UBE2R2: variants seen among roughly 807,000 people sequenced by gnomAD.
UBE2R2 encodes the protein ubiquitin conjugating enzyme E2 R2.
Under a neutral mutation model 27.8 loss-of-function variants are expected in UBE2R2, and 1 was observed. The observed-to-expected ratio is 0.04, with a 90% CI of 0.01 to 0.17. UBE2R2 has a LOEUF of 0.17. Among genes scored for constraint, UBE2R2 ranks in the 10% least tolerant of loss-of-function variants. The probability of loss-of-function intolerance (pLI) is 1.00; values close to 1 mark genes in which losing one functional copy is unlikely to be tolerated. For missense variants in UBE2R2, 100 were observed against 291.0 expected (o/e 0.34, Z 4.78); for synonymous variants, 106 against 113.3 (o/e 0.94, Z 0.41).
At position 33,885,140 on chromosome 9, in the gene UBE2R2, TTACTTTCTTGTTGTA is replaced by T. The variant is rs563845884; in HGVS notation, c.178-1737_178-1723del. Among the ~76,000 whole-genome samples the T allele has an allele frequency of 4.6e-5, 7 of 152,336 alleles. No individual in the cohort carries two copies. The East Asian group carries it at 1.3e-3, about 29-fold the overall frequency. ...ATTCAGACAGGCATTTGCAAACTCT[TTACTTTCTTGTTGTA>T]TACATTCTCAAGTTAAGCCAGAGGT... On this transcript the variant is annotated intron_variant, in intron 1 of 4. Coordinates refer to ENST00000263228, the MANE Select transcript of UBE2R2 (RefSeq NM_017811.4).
intron 4 of UBE2R2, among the ~76,000 whole-genome samples, chr9:33,913,595 A>G (rs1436935250): frequency 7.2e-5 from 11 of 152,088 alleles, no homozygotes; most frequent in Non-Finnish European, 1.5e-5. Flanking sequence ...TTTATTTCTT[A>G]AAATAGAGAC....
chr9:33,837,327 TC>T (rs1435459160), intron 1 of UBE2R2, among the ~76,000 whole-genome samples: 2 of 151,988 alleles, frequency 1.3e-5, no homozygotes, highest in Non-Finnish European at 2.9e-5. Flanking sequence ...CAAGCGATAT[TC>T]TTATCTCAGC....
intron 1 of UBE2R2, among the ~76,000 whole-genome samples, chr9:33,853,971 C>T (rs985783424): frequency 6.6e-6 from 1 of 152,080 alleles, no homozygotes; most frequent in Non-Finnish European, 1.5e-5. Flanking sequence ...GCTGGGATTA[C>T]AGGCATGAGC....
chr9:33,873,683 C>T (rs1821537809), intron 1 of UBE2R2, among the ~76,000 whole-genome samples: 1 of 152,166 alleles, frequency 6.6e-6, no homozygotes, highest in South Asian at 2.1e-4. Flanking sequence ...CTCTGTCACA[C>T]AGGCTGGAAT....
At chr9:33,832,056 C>G (rs971826636) in intron 1 of UBE2R2, among the ~76,000 whole-genome samples, 5 of 151,810 alleles carry the variant, frequency 3.3e-5, no homozygotes, top group African/African-American at 4.8e-5. Flanking sequence ...TGCCTGTAAT[C>G]CCAGCACTTT....
chr9:33,863,801 C>A (rs1048587278), intron 1 of UBE2R2, among the ~76,000 whole-genome samples: 1 of 151,994 alleles, frequency 6.6e-6, no homozygotes, highest in Non-Finnish European at 1.5e-5. Flanking sequence ...GATTCTCCTG[C>A]CTCAGCCTCC....
intron 1 of UBE2R2, among the ~76,000 whole-genome samples, chr9:33,832,974 A>T (rs1044844411): frequency 3.3e-5 from 5 of 152,116 alleles, no homozygotes; most frequent in Admixed American, 3.3e-4. Flanking sequence ...TTTTTCTTAA[A>T]ATATGAGGAA....
In UBE2R2 at chr9:33,917,003, T is replaced by A. The variant is rs1354539339; in HGVS notation, c.498-15T>A. 2.5e-6 allele frequency: 4 copies of A among 1,613,856 alleles called. No individual in the cohort carries two copies. Among genetic ancestry groups the A allele is most frequent in the Non-Finnish European group, 2.5e-6 (3 of 1,179,990 alleles). On this transcript the variant is annotated splice_polypyrimidine_tract_variant and intron_variant, in intron 4 of 4. Coordinates refer to ENST00000263228, the MANE Select transcript of UBE2R2 (RefSeq NM_017811.4). ...AGACTTACCGTAAACCATTTCTGTG[T>A]CAACCTCCCTTCAGGAAACAAGTTT...
chr9:33,816,273 CG>C (rs1160976606), upstream of UBE2R2, among the ~76,000 whole-genome samples: 1 of 152,096 alleles, frequency 6.6e-6, no homozygotes, highest in African/African-American at 2.4e-5. Context: ...TTCTGAACCA[CG>C]GGGGGACCAA....
intron 3 of UBE2R2, among the ~76,000 whole-genome samples, chr9:33,905,273 G>C (rs548304136): frequency 2.0e-5 from 3 of 152,304 alleles, no homozygotes; most frequent in African/African-American, 7.2e-5. Context: ...CAGAAGTGGG[G>C]TAGGATATTT....
chr9:33,822,923 T>TTTG (rs1363206109), intron 1 of UBE2R2, among the ~76,000 whole-genome samples: 2 of 147,034 alleles, frequency 1.4e-5, no homozygotes, highest in African/African-American at 4.9e-5. Flanking sequence ...TTTTTTTTTT[T>TTTG]TAGCTGAGTC....
rs1030221149 is a variant in UBE2R2, at chr9:33,879,744, A to G, written c.178-7137A>G. 4.6e-5 allele frequency among the ~76,000 whole-genome samples: 6 copies of G among 131,026 alleles called. No homozygotes were observed. In the South Asian group the frequency reaches 1.3e-3, roughly 28 times the overall value. 86.0% of individuals were successfully genotyped at this position (131,026 alleles called of 152,430 possible). A position where few individuals can be genotyped will look rare whatever the true frequency, so the allele number is the denominator to read the frequency against. On this transcript the variant is annotated intron_variant, in intron 1 of 4. Transcript: ENST00000263228. The stretch of plus-strand genomic sequence containing the variant: ...CAGGCACAAGCCACGGCGCCTGGTC[A>G]CAAGACTTTTTTTTTTTTTTTTTTT...
At chr9:33,863,072 C>T (rs2247487) in intron 1 of UBE2R2, among the ~76,000 whole-genome samples, 9,051 of 151,772 alleles carry the variant, frequency 0.06, 620 homozygotes, top group African/African-American at 0.17. Flanking sequence ...CCTGTAATCC[C>T]AGCTACTCAG....
intron 3 of UBE2R2, among the ~76,000 whole-genome samples, chr9:33,902,267 C>T (rs1463432886): frequency 6.6e-6 from 1 of 152,140 alleles, no homozygotes; most frequent in Non-Finnish European, 1.5e-5. Flanking sequence ...CCAGGCTGGT[C>T]TGAAACCCAT....
At chr9:33,873,628 C>T (rs1020276895) in intron 1 of UBE2R2, among the ~76,000 whole-genome samples, 5 of 152,022 alleles carry the variant, frequency 3.3e-5, no homozygotes, top group Admixed American at 2.0e-4. Context: ...TGAAAAATAT[C>T]CTGTAATTTA....
At chr9:33,887,184 T>C (rs1368169381) in intron 2 of UBE2R2, among the ~76,000 whole-genome samples, 1 of 152,152 alleles carries the variant, frequency 6.6e-6, no homozygotes, top group East Asian at 1.9e-4. Context: ...AAGGATAAAG[T>C]AAAGGATTTG....
intron 4 of UBE2R2, among the ~76,000 whole-genome samples, chr9:33,913,929 A>G (rs1822566535): frequency 6.6e-6 from 1 of 152,222 alleles, no homozygotes; most frequent in Non-Finnish European, 1.5e-5. Flanking sequence ...ATTAGTAGAA[A>G]TATTAAGATC....
intron 2 of UBE2R2, among the ~76,000 whole-genome samples, chr9:33,893,843 G>A (rs147952181): frequency 6.6e-6 from 1 of 152,274 alleles, no homozygotes; most frequent in African/African-American, 2.4e-5. Context: ...TGTTGGCCAG[G>A]CTGATCTAGA....
intron 1 of UBE2R2, among the ~76,000 whole-genome samples, chr9:33,856,528 T>A (rs1222468587): frequency 6.6e-6 from 1 of 152,160 alleles, no homozygotes; most frequent in Non-Finnish European, 1.5e-5. Flanking sequence ...TTTAGCTCTT[T>A]CATACCACTC....
Sources: allele counts gnomAD v4.1 joint callset (sites outside exome capture counted in the v4.1 genomes callset), GRCh38; gene constraint gnomAD v4.1.1; transcripts MANE v1.5; gene names NCBI Gene and HGNC (gene_info 2026-07-23, HGNC 2026-07-21).